CBLC: variants seen among roughly 807,000 people sequenced by gnomAD.
The protein encoded by CBLC is Cbl proto-oncogene C.
CBLC carries 46 observed loss-of-function variants against 58.6 expected under a neutral mutation model. The observed-to-expected ratio is 0.79, with a 90% CI of 0.62 to 1.00. The LOEUF (loss-of-function observed/expected upper bound fraction) is 1.00, where lower values mean the gene tolerates loss of function less well. Among genes scored for constraint, CBLC ranks in the 50% least tolerant of loss-of-function variants. The pLI is 0.00. For missense variants in CBLC, 655 were observed against 625.8 expected (o/e 1.05, Z -0.50); for synonymous variants, 271 against 264.2 (o/e 1.03, Z -0.25).
chr19:44,784,468 G>T, intron 5 of CBLC, 67 bp downstream of exon 5: 1 of 1,456,920 alleles, frequency 6.9e-7, no homozygotes, highest in Non-Finnish European at 9.3e-7. Context: ...TGCATGTTGT[G>T]CACTGCCGGT....
At chr19:44,795,525 T>TA (rs989924435) in intron 9 of CBLC, among the ~76,000 whole-genome samples, 45 of 139,970 alleles carry the variant, frequency 3.2e-4, no homozygotes, top group Admixed American at 1.2e-3. Context: ...TCTAAACCAA[T>TA]AAAAAAAAAG....
intron 9 of CBLC, among the ~76,000 whole-genome samples, chr19:44,798,287 C>G (rs1000690482): frequency 9.3e-5 from 14 of 150,872 alleles, no homozygotes; most frequent in African/African-American, 3.5e-4. Flanking sequence ...AACTCCTGGG[C>G]TCAAGTCTCC....
intron 9 of CBLC, 95 bp from the exon 10 acceptor site, chr19:44,800,286 C>T: frequency 1.2e-6 from 1 of 855,674 alleles, no homozygotes; most frequent in Admixed American, 1.9e-5. Flanking sequence ...TGGTCTGGGA[C>T]TCCCAGGTCT....
chr19:44,785,212 T>A lies in CBLC; in HGVS notation c.917+811T>A, dbSNP rs545873063. On this transcript the variant is annotated intron_variant, in intron 5 of 10. Coordinates refer to ENST00000647358, the MANE Select transcript of CBLC (RefSeq NM_012116.4). ...GGCTGGTCTCGAACTCCTGACCTCA[T>A]GATCCACCCACCTCGGCCTCCCAAA... is the stretch of plus-strand genomic sequence containing the variant. Among the ~76,000 whole-genome samples the A allele has an allele frequency of 2.0e-3, 296 of 151,138 alleles. 2 individuals carry two copies. Among genetic ancestry groups the A allele is most frequent in the African/African-American group, 6.7e-3 (276 of 41,260 alleles).
chr19:44,783,089 G>T (rs1169559496), intron 4 of CBLC, among the ~76,000 whole-genome samples: 1 of 152,180 alleles, frequency 6.6e-6, no homozygotes, highest in African/African-American at 2.4e-5. Context: ...GAAAAGGCCA[G>T]GCCCCGCACA....
chr19:44,785,911 G>T (rs1967891627), intron 5 of CBLC, among the ~76,000 whole-genome samples: 1 of 151,634 alleles, frequency 6.6e-6, no homozygotes, highest in Non-Finnish European at 1.5e-5. Context: ...CTCCAGCCTG[G>T]GTGACAGAGC....
intron 7 of CBLC, among the ~76,000 whole-genome samples, chr19:44,792,813 C>T (rs1294580455): frequency 2.6e-5 from 4 of 152,114 alleles, no homozygotes; most frequent in South Asian, 2.1e-4. Context: ...GCCTTAGCCT[C>T]GTCCCCTGGA....
chr19:44,783,175 A>G (rs942543605), intron 4 of CBLC, among the ~76,000 whole-genome samples: 4 of 152,180 alleles, frequency 2.6e-5, no homozygotes, highest in Non-Finnish European at 5.9e-5. Context: ...GTTCGAGACC[A>G]GCCTGGCCAA....
At position 44,792,472 on chromosome 19, in the gene CBLC, G is replaced by A. The variant is rs531086131; in HGVS notation, c.1095G>A (p.Pro365=). 75 of 1,610,958 alleles carry A rather than the reference G, an allele frequency of 4.7e-5. No homozygotes were observed. The East Asian group carries it at 6.0e-4, about 13-fold the overall frequency. The part of the protein sequence containing the change: ...AESNKDVKIE[P]CGHLLCSCCL... Reference sequence around the variant, plus strand: ...GCAACAAGGATGTGAAGATTGAGCCGTGCGGGCACCTGCTCTGCAGCTGCT... The same window carrying A: ...GCAACAAGGATGTGAAGATTGAGCCATGCGGGCACCTGCTCTGCAGCTGCT... The change falls in exon 7 of 11, where the codon CCG becomes CCA. Residue 365 remains proline, a synonymous_variant. Transcript: ENST00000647358.
intron 7 of CBLC, 21 bp downstream of exon 7, chr19:44,792,535 G>A (rs199898564): frequency 2.8e-5 from 44 of 1,563,112 alleles, no homozygotes; most frequent in Non-Finnish European, 3.6e-5. Context: ...CCCCTGTGGC[G>A]CCTTCCCCTC....
intron 5 of CBLC, among the ~76,000 whole-genome samples, chr19:44,788,381 C>T (rs1967964873): frequency 1.3e-5 from 2 of 152,008 alleles, no homozygotes; most frequent in African/African-American, 4.8e-5. Flanking sequence ...CCGCCTCAGC[C>T]TCTCAGAGTG....
Position 44,784,309 on chromosome 19 carries a change from C to CGGCT in CBLC, c.826_829dup (p.Tyr277TrpfsTer46), listed in dbSNP as rs1967828945. On this transcript the variant is annotated frameshift_variant, in exon 5 of 11. Coordinates refer to ENST00000647358, the MANE Select transcript of CBLC (RefSeq NM_012116.4). LOFTEE classifies it high-confidence loss of function. ...GTACTCGCCTGGGGCAGTGGGCCAT[C>CGGCT]GGCTATGTGAGCTCAGATGGCAGCA... The CGGCT allele has an allele frequency of 1.3e-6, 2 of 1,596,722 alleles. No individual in the cohort carries two copies. The highest frequency in any genetic ancestry group is 1.7e-6 in the Non-Finnish European group (2 of 1,166,134).
chr19:44,797,030 G>A (rs1413866199), intron 9 of CBLC, among the ~76,000 whole-genome samples: 1 of 152,148 alleles, frequency 6.6e-6, no homozygotes, highest in South Asian at 2.1e-4. Flanking sequence ...AGTGATGGGG[G>A]ACACAGCCAG....
rs1967706738 is a variant in CBLC, at chr19:44,780,911, G to C, written c.360G>C (p.Gln120His). The C allele has an allele frequency of 6.2e-7, 1 of 1,612,044 alleles. No individual in the cohort carries two copies. Among genetic ancestry groups the C allele is most frequent in the African/African-American group, 1.3e-5 (1 of 74,944 alleles). Residue 120 changes from glutamine (Q) to histidine (H), a missense_variant, in exon 2 of 11, where the codon CAG becomes CAC. By Grantham distance (24) the Gln-to-His change is conservative. Transcript: ENST00000647358. ...LFRAGSRLRR[Q>H]LAKLAIIFSH... Reference sequence around the variant, plus strand: ...TCCTTGCCCATCCCCACAGGCGACAGCTGGCCAAGCTGGCCATCATCTTCA... The same window carrying C: ...TCCTTGCCCATCCCCACAGGCGACACCTGGCCAAGCTGGCCATCATCTTCA...
At chr19:44,796,908 C>T (rs977507431) in intron 9 of CBLC, among the ~76,000 whole-genome samples, 2 of 137,708 alleles carry the variant, frequency 1.5e-5, no homozygotes, top group Non-Finnish European at 1.6e-5. Flanking sequence ...GGAAGCGGGG[C>T]GGTGGGGGGG....
At chr19:44,797,855 C>T (rs116306535) in intron 9 of CBLC, among the ~76,000 whole-genome samples, 13,937 of 152,078 alleles carry the variant, frequency 0.092, 728 homozygotes, top group South Asian at 0.19. Context: ...ATCCTCCCTC[C>T]TTAGCCCCCA....
At chr19:44,782,251 A>G (rs1967768505) in intron 3 of CBLC, 119 bp from the exon 4 acceptor site, 1 of 1,422,144 alleles carries the variant, frequency 7.0e-7, no homozygotes, top group East Asian at 2.3e-5. Context: ...TAAAAGGGAT[A>G]TGCCTGAGGC....
intron 5 of CBLC, among the ~76,000 whole-genome samples, chr19:44,787,058 T>C (rs917759301): frequency 6.6e-6 from 1 of 151,480 alleles, no homozygotes; most frequent in Non-Finnish European, 1.5e-5. Flanking sequence ...GCATTCCAGC[T>C]TGGGTGACAG....
intron 5 of CBLC, among the ~76,000 whole-genome samples, chr19:44,784,964 T>G (rs902317591): frequency 0.01 from 1,113 of 108,706 alleles, 62 homozygotes; most frequent in African/African-American, 0.039. Flanking sequence ...TTTTTTTTTT[T>G]TTTTTTTTTT....
Sources: allele counts gnomAD v4.1 joint callset (sites outside exome capture counted in the v4.1 genomes callset), GRCh38; gene constraint gnomAD v4.1.1; transcripts MANE v1.5; gene names NCBI Gene and HGNC (gene_info 2026-07-23, HGNC 2026-07-21).